Variants in ZNF395 observed in about 807,000 individuals in gnomAD.
The protein encoded by ZNF395 is zinc finger protein 395.
In ZNF395, 20 loss-of-function variants were observed where a neutral mutation model predicts 57.7. The observed-to-expected ratio is 0.35, with a 90% CI of 0.24 to 0.50. ZNF395 has a LOEUF of 0.50. Ranked by LOEUF, ZNF395 falls within the 20% of genes least tolerant of loss-of-function variation. The pLI, the probability that ZNF395 is intolerant of heterozygous loss-of-function variation, is 0.97. For synonymous variants in ZNF395, 295 were observed against 275.9 expected (o/e 1.07, Z -0.69); for missense variants, 606 against 671.2 (o/e 0.90, Z 1.07).
chr8:28,374,603 C>T (rs1802018975), intron 1 of ZNF395, among the ~76,000 whole-genome samples: 1 of 152,190 alleles, frequency 6.6e-6, no homozygotes, highest in Non-Finnish European at 1.5e-5. Context: ...TCTGCGTTTC[C>T]AGTCAGCAGT....
rs1801640170 is a variant in ZNF395 at position 28,348,789 on chromosome 8, C to T, written c.1472G>A (p.Gly491Asp). The change falls in exon 10 of 10, where the codon GGC becomes GAC. Residue 491 changes from glycine (G) to aspartate (D), a missense_variant. This residue lies in a region of ZNF395 where 36 missense variants were observed against 56.2 expected (regional missense o/e 0.64). Coordinates refer to ENST00000344423, the MANE Select transcript of ZNF395 (RefSeq NM_018660.3). ...GEAKKCRKVY[G>D]IEHRDQWCTA... ...GCACCACTGGTCCCGGTGCTCGATG[C>T]CATACACCTTGCGGCACTTCTTAGC... The T allele has an allele frequency of 6.2e-7, 1 of 1,613,988 alleles. No individual in the cohort carries two copies. Among genetic ancestry groups the T allele is most frequent in the Non-Finnish European group, 8.5e-7 (1 of 1,180,036 alleles).
chr8:28,382,562 G>A (rs1455343572), intron 1 of ZNF395, among the ~76,000 whole-genome samples: 2 of 152,044 alleles, frequency 1.3e-5, no homozygotes, highest in African/African-American at 2.4e-5. Context: ...GTCCCTAAAC[G>A]TTTTTCCAAG....
intron 1 of ZNF395, among the ~76,000 whole-genome samples, chr8:28,372,084 T>C (rs1041812317): frequency 6.6e-6 from 1 of 152,086 alleles, no homozygotes; most frequent in South Asian, 2.1e-4. Flanking sequence ...AACTTCCCCA[T>C]TGTGACTTTG....
Position 28,347,746 on chromosome 8 carries a change from G to A in ZNF395, c.*973C>T, listed in dbSNP as rs1225690595. Reference sequence around the variant, plus strand: ...AAAGGAACCTCCAGAACCTCCCTGGGTCTCTCCCGGCCACCCAAATAAAAG... The same window carrying A: ...AAAGGAACCTCCAGAACCTCCCTGGATCTCTCCCGGCCACCCAAATAAAAG... On this transcript the variant is annotated 3_prime_UTR_variant, in exon 10 of 10. Transcript: ENST00000344423. The A allele has an allele frequency of 1.3e-5, 2 of 152,222 alleles. No homozygotes were observed. The highest frequency in any genetic ancestry group is 2.9e-5 in the Non-Finnish European group (2 of 68,074). The allele number at this position is 152,222 out of a possible 1,614,324, so 9.4% of individuals were successfully genotyped here.
chr8:28,382,681 T>C lies in ZNF395; in HGVS notation c.-59+3712A>G, dbSNP rs369005520. Among the ~76,000 whole-genome samples, 27 of 152,308 alleles carry C rather than the reference T, an allele frequency of 1.8e-4. No individual in the cohort carries two copies. The South Asian group carries it at 4.4e-3, about 25-fold the overall frequency. ...CTCCTTAATCAAGGTGTCTCTCATC[T>C]TTCCAAAGAGACTGTAAGTCTTCCA... On this transcript the variant is annotated intron_variant, in intron 1 of 9. Transcript: ENST00000344423.
intron 1 of ZNF395, among the ~76,000 whole-genome samples, chr8:28,377,650 C>T (rs543191134): frequency 8.2e-4 from 125 of 151,796 alleles, no homozygotes; most frequent in Non-Finnish European, 1.4e-3. Flanking sequence ...TTCAAGGTCA[C>T]TCCACATTCT....
At chr8:28,363,430 G>T (rs1406450477) in intron 1 of ZNF395, among the ~76,000 whole-genome samples, 4 of 152,074 alleles carry the variant, frequency 2.6e-5, no homozygotes, top group Non-Finnish European at 5.9e-5. Context: ...CACCGTGCCT[G>T]GCCTTAAACT....
intron 1 of ZNF395, among the ~76,000 whole-genome samples, chr8:28,381,187 G>C (rs1471187632): frequency 1.3e-5 from 2 of 152,050 alleles, no homozygotes; most frequent in East Asian, 3.9e-4. Flanking sequence ...GACTACAGGC[G>C]CCCACCACCA....
chr8:28,354,543 C>G (rs1316801159), intron 4 of ZNF395, among the ~76,000 whole-genome samples: 1 of 152,114 alleles, frequency 6.6e-6, no homozygotes, highest in East Asian at 1.9e-4. Flanking sequence ...CAGGGATCTA[C>G]CCGGCACAGG....
At chr8:28,369,815 A>G (rs3735730) in intron 1 of ZNF395, among the ~76,000 whole-genome samples, 12,086 of 152,260 alleles carry the variant, frequency 0.079, 628 homozygotes, top group East Asian at 0.3. Flanking sequence ...GTCTTTAAAC[A>G]TATCAGCCCT....
intron 1 of ZNF395, among the ~76,000 whole-genome samples, chr8:28,379,691 T>C (rs1194060066): frequency 6.6e-6 from 1 of 152,142 alleles, no homozygotes; most frequent in Non-Finnish European, 1.5e-5. Context: ...GACCTTGAGG[T>C]TGACACAGCG....
intron 7 of ZNF395, 38 bp downstream of exon 7, chr8:28,351,457 G>GCTATGAGCCTGAGCCTCCAGCGAGC (rs754130422): frequency 1.3e-6 from 2 of 1,544,238 alleles, no homozygotes; most frequent in East Asian, 4.5e-5. Context: ...TGATGAGTCA[G>GCTATGAGCCTGAGCCTCCAGCGAGC]CTATGAGCCT....
In ZNF395 at chr8:28,347,767, A is replaced by G. The variant is rs1801625210; in HGVS notation, c.*952T>C. The G allele has an allele frequency of 6.6e-6, 1 of 152,068 alleles. No homozygotes were observed. Among genetic ancestry groups the G allele is most frequent in the African/African-American group, 2.4e-5 (1 of 41,322 alleles). 9.4% of individuals were successfully genotyped at this position (152,068 alleles called of 1,614,324 possible). ...CTGGGTCTCTCCCGGCCACCCAAATAAAAGAAAACTTTAATCAGTAAAGGC... is the reference window on the plus strand; with the variant it reads ...CTGGGTCTCTCCCGGCCACCCAAATGAAAGAAAACTTTAATCAGTAAAGGC... On this transcript the variant is annotated 3_prime_UTR_variant, in exon 10 of 10. Transcript: ENST00000344423.
chr8:28,351,012 A>G (rs1254024218), intron 7 of ZNF395, among the ~76,000 whole-genome samples: 1 of 152,198 alleles, frequency 6.6e-6, no homozygotes, highest in Non-Finnish European at 1.5e-5. Flanking sequence ...TTACATATTC[A>G]TTTCTCTCTC....
rs1464052777 is a variant in ZNF395 at position 28,347,244 on chromosome 8, G to A, written c.*1475C>T. On this transcript the variant is annotated 3_prime_UTR_variant, in exon 10 of 10. Transcript: ENST00000344423. Reference sequence around the variant, plus strand: ...GCTGACACTCCATCCCAGGACAGGTGGCTGGGTAGGATTCCCTGAGCCCCT... The same window carrying A: ...GCTGACACTCCATCCCAGGACAGGTAGCTGGGTAGGATTCCCTGAGCCCCT... 1 of 152,228 alleles carries A rather than the reference G, an allele frequency of 6.6e-6. No individual in the cohort carries two copies. Among genetic ancestry groups the A allele is most frequent in the East Asian group, 1.9e-4 (1 of 5,192 alleles). 9.4% of individuals were successfully genotyped at this position (152,228 alleles called of 1,614,324 possible). A position where few individuals can be genotyped will look rare whatever the true frequency, so the allele number is the denominator to read the frequency against.
At chr8:28,384,047 C>T (rs1490004119) in intron 1 of ZNF395, among the ~76,000 whole-genome samples, 1 of 152,190 alleles carries the variant, frequency 6.6e-6, no homozygotes, top group African/African-American at 2.4e-5. Flanking sequence ...AGTAATGTTT[C>T]TCAAACCCAC....
rs768583651 is a variant in ZNF395 at position 28,350,061 on chromosome 8, C to G, written c.1326+3G>C. ...GCCCCAGCCGTGCTGCCCGCACACT[C>G]ACCGGAGAGAGAGAGCAGGCGGCGG... On this transcript the variant is annotated splice_donor_region_variant and intron_variant, in intron 8 of 9. Coordinates refer to ENST00000344423, the MANE Select transcript of ZNF395 (RefSeq NM_018660.3). 1.3e-6 allele frequency: 2 copies of G among 1,595,970 alleles called. No individual in the cohort carries two copies. Among genetic ancestry groups the G allele is most frequent in the Admixed American group, 1.8e-5 (1 of 56,538 alleles).
At chr8:28,349,371 G>T (rs1801650014) in intron 8 of ZNF395, 143 bp from the exon 9 acceptor site, 2 of 547,966 alleles carry the variant, frequency 3.6e-6, no homozygotes, top group East Asian at 3.4e-5. Context: ...CAGCCGAGGG[G>T]AGCTCTTGGC....
intron 1 of ZNF395, among the ~76,000 whole-genome samples, chr8:28,363,437 A>G (rs796843953): frequency 1.3e-4 from 20 of 152,092 alleles, no homozygotes; most frequent in African/African-American, 4.8e-4. Context: ...CCTGGCCTTA[A>G]ACTGTTTTTT....
Sources: allele counts gnomAD v4.1 joint callset (sites outside exome capture counted in the v4.1 genomes callset), GRCh38; gene constraint gnomAD v4.1.1; regional missense constraint gnomAD v4.1.1; transcripts MANE v1.5; gene names NCBI Gene and HGNC (gene_info 2026-07-23, HGNC 2026-07-21).